TANC2: variants seen among roughly 807,000 people sequenced by gnomAD.
TANC2 encodes the protein protein TANC2.
TANC2 carries 26 observed loss-of-function variants against 210.5 expected under a neutral mutation model. That is an observed-to-expected ratio of 0.12 (90% confidence interval 0.09 to 0.17). The LOEUF (loss-of-function observed/expected upper bound fraction) is 0.17. TANC2 is among the 10% of genes least tolerant of loss of function. TANC2 has a pLI of 1.00. For missense variants in TANC2, 2,129 were observed against 2,608.9 expected (o/e 0.82, Z 4.01); for synonymous variants, 931 against 967.1 (o/e 0.96, Z 0.69).
At chr17:63,356,464 C>G (rs968856652) in intron 14 of TANC2, among the ~76,000 whole-genome samples, 3 of 152,150 alleles carry the variant, frequency 2.0e-5, no homozygotes, top group Admixed American at 1.3e-4. Flanking sequence ...ACTCTGTGTT[C>G]ATGCTGGGGT....
At chr17:62,992,729 A>G (rs1450967628) in intron 1 of TANC2, among the ~76,000 whole-genome samples, 1 of 152,196 alleles carries the variant, frequency 6.6e-6, no homozygotes, top group Non-Finnish European at 1.5e-5. Flanking sequence ...AGACATTGTT[A>G]TATGCTTCTG....
chr17:63,276,754 A>G (rs1218803400), intron 9 of TANC2, among the ~76,000 whole-genome samples: 3 of 152,140 alleles, frequency 2.0e-5, no homozygotes, highest in Non-Finnish European at 4.4e-5. Flanking sequence ...TAACAGTGAG[A>G]CACTCTTCAA....
chr17:63,284,673 C>G lies in TANC2; in HGVS notation c.1159+16800C>G, dbSNP rs114714568. 4.4e-3 allele frequency among the ~76,000 whole-genome samples: 664 copies of G among 152,018 alleles called. 3 individuals carry two copies. Among genetic ancestry groups the G allele is most frequent in the African/African-American group, 0.015 (622 of 41,494 alleles). Reference sequence around the variant, plus strand: ...AATTTTTTACGGCCCAAAATATAGTCTGTCTTCATAAATGTTTCATATGCA... The same window carrying G: ...AATTTTTTACGGCCCAAAATATAGTGTGTCTTCATAAATGTTTCATATGCA... On this transcript the variant is annotated intron_variant, in intron 9 of 27. Transcript: ENST00000689528.
intron 4 of TANC2, among the ~76,000 whole-genome samples, chr17:63,145,790 A>G (rs1461777350): frequency 6.6e-6 from 1 of 152,094 alleles, no homozygotes; most frequent in Non-Finnish European, 1.5e-5. Flanking sequence ...TACTGTTTAG[A>G]CTACTATAGC....
intron 12 of TANC2, 103 bp downstream of exon 12, chr17:63,340,435 A>C (rs181021738): frequency 1.4e-4 from 130 of 933,214 alleles, no homozygotes; most frequent in Middle Eastern, 3.4e-4. Context: ...GCCAAAACTA[A>C]ATGTTCCATA....
chr17:63,327,604 A>G (rs1339251513), intron 11 of TANC2, among the ~76,000 whole-genome samples: 2 of 152,214 alleles, frequency 1.3e-5, no homozygotes, highest in African/African-American at 2.4e-5. Context: ...AAATTGTTCT[A>G]TATATAAATA....
In TANC2 at chr17:63,418,290, A is replaced by C. The variant is rs2048925983; in HGVS notation, c.4168-17A>C. 1.2e-6 allele frequency: 2 copies of C among 1,608,362 alleles called. No homozygotes were observed. Among genetic ancestry groups the C allele is most frequent in the African/African-American group, 2.7e-5 (2 of 74,850 alleles). ...TATCTCATCAATGACTCATTTGCACACCTATTGTAATGACAGGATTTTGGA... is the reference window on the plus strand; with the variant it reads ...TATCTCATCAATGACTCATTTGCACCCCTATTGTAATGACAGGATTTTGGA... On this transcript the variant is annotated splice_polypyrimidine_tract_variant and intron_variant, in intron 26 of 27. Transcript: ENST00000689528. The surrounding 1 kb of genome is among the most constrained non-coding windows in gnomAD (Gnocchi z 4.6).
chr17:63,218,839 A>C (rs1002254398), intron 7 of TANC2, among the ~76,000 whole-genome samples: 1 of 152,166 alleles, frequency 6.6e-6, no homozygotes, highest in Admixed American at 6.5e-5. Context: ...GGTTTCAGTG[A>C]GCTGAGATCA....
chr17:63,370,070 A>T (rs2047220763), intron 14 of TANC2, among the ~76,000 whole-genome samples: 1 of 152,084 alleles, frequency 6.6e-6, no homozygotes. Flanking sequence ...CTCATAACTG[A>T]TGTCCCAACT....
intron 5 of TANC2, among the ~76,000 whole-genome samples, chr17:63,180,026 A>AG (rs2040725851): frequency 6.6e-6 from 1 of 150,878 alleles, no homozygotes; most frequent in Non-Finnish European, 1.5e-5. Flanking sequence ...CTGTGGTACC[A>AG]GCTACTCAAG....
At chr17:63,351,146 C>A (rs1311004420) in intron 12 of TANC2, 104 bp from the exon 13 acceptor site, 7 of 1,041,364 alleles carry the variant, frequency 6.7e-6, no homozygotes, top group Middle Eastern at 3.3e-4. Flanking sequence ...ACATGACAAG[C>A]CTTTTCTAAT....
exon 10 of TANC2, chr17:63,314,484 A>G: frequency 6.2e-7 from 1 of 1,613,918 alleles, no homozygotes; most frequent in Non-Finnish European, 8.5e-7. Context: ...GTTGGCCGAG[A>G]TTGGGTTTTC....
intron 12 of TANC2, among the ~76,000 whole-genome samples, 180 bp downstream of exon 12, chr17:63,340,512 G>C (rs1174589287): frequency 6.6e-6 from 1 of 151,804 alleles, no homozygotes; most frequent in Non-Finnish European, 1.5e-5. Context: ...AAATCCAGCA[G>C]TAACTACTCC....
intron 7 of TANC2, among the ~76,000 whole-genome samples, chr17:63,229,280 A>G (rs2042407613): frequency 6.6e-6 from 1 of 152,138 alleles, no homozygotes; most frequent in Non-Finnish European, 1.5e-5. Context: ...GATGAAGCCA[A>G]CTTGATCGTA....
intron 14 of TANC2, among the ~76,000 whole-genome samples, chr17:63,358,976 TTGTGTGTGTGTGTGTGTGTG>T (rs34338483): frequency 4.1e-5 from 6 of 147,806 alleles, no homozygotes; most frequent in Admixed American, 2.0e-4. Flanking sequence ...AGATTAATAT[TTGTGTGTGTGTGTGTGTGTG>T]TGTGTGTGTG....
At chr17:63,319,073 C>G (rs1353171827) in exon 11 of TANC2, 2 of 1,612,722 alleles carry the variant, frequency 1.2e-6, no homozygotes, top group Middle Eastern at 1.7e-4. Flanking sequence ...GGAGGCTATG[C>G]GAAGACTAGC....
intron 11 of TANC2, among the ~76,000 whole-genome samples, chr17:63,338,023 T>C (rs552750412): frequency 6.6e-6 from 1 of 152,342 alleles, no homozygotes; most frequent in Admixed American, 6.5e-5. Flanking sequence ...CTGCCATTGA[T>C]GGGCGTTAAG....
At chr17:63,053,004 AGT>A (rs1419822088) in intron 2 of TANC2, among the ~76,000 whole-genome samples, 2 of 152,240 alleles carry the variant, frequency 1.3e-5, no homozygotes, top group Non-Finnish European at 2.9e-5. Flanking sequence ...GGCTCGCAAG[AGT>A]GTGCTGACCT....
In TANC2 at chr17:63,108,738, G is replaced by C. The variant is rs539537391; in HGVS notation, c.322+9381G>C. On this transcript the variant is annotated intron_variant, in intron 4 of 27. Coordinates refer to ENST00000689528, the Ensembl canonical transcript of TANC2. Reference sequence around the variant, plus strand: ...GCAGGAGAATCCCTTGAACCCGTGAGGCAGAGGTTGCAGTGAGCCAAGATC... The same window carrying C: ...GCAGGAGAATCCCTTGAACCCGTGACGCAGAGGTTGCAGTGAGCCAAGATC... Among the ~76,000 whole-genome samples, 5 of 151,704 alleles carry C rather than the reference G, an allele frequency of 3.3e-5. No individual in the cohort carries two copies. The South Asian group carries it at 1.0e-3, about 32-fold the overall frequency.
Sources: gnomAD v4.1 joint callset for allele counts (sites outside exome capture counted in the v4.1 genomes callset) on GRCh38, gnomAD v4.1.1 for gene constraint, Gnocchi (gnomAD v3.1) non-coding constraint, MANE v1.5 for transcripts, NCBI Gene and HGNC (gene_info 2026-07-23, HGNC 2026-07-21) for gene names.